The following RBFOX1 variants were observed in gnomAD, a reference collection of about 807,000 sequenced individuals.
RBFOX1 encodes the protein RNA binding fox-1 homolog 1.
RBFOX1 carries 8 observed loss-of-function variants against 57.7 expected under a neutral mutation model. The observed-to-expected ratio is 0.14, with a 90% CI of 0.08 to 0.25. The LOEUF is 0.25. Among genes scored for constraint, RBFOX1 ranks in the 10% least tolerant of loss-of-function variants. The probability of loss-of-function intolerance (pLI) is 1.00; values close to 1 mark genes in which losing one functional copy is unlikely to be tolerated. For missense variants in RBFOX1, 611 were observed against 548.5 expected (o/e 1.11, Z -1.14); for synonymous variants, 326 against 222.4 (o/e 1.47, Z -4.15).
chr16:6,103,221 C>A (rs144251222), intron 1 of RBFOX1, among the ~76,000 whole-genome samples: 2 of 152,092 alleles, frequency 1.3e-5, no homozygotes, highest in East Asian at 1.9e-4. Flanking sequence ...GGGTCTGAAC[C>A]CTGTGGGTTT....
intron 3 of RBFOX1, among the ~76,000 whole-genome samples, chr16:5,861,296 G>A (rs908655138): frequency 1.3e-5 from 2 of 152,198 alleles, no homozygotes; most frequent in Non-Finnish European, 2.9e-5. Context: ...GTGCCACACA[G>A]GTGACTATGT....
At chr16:7,274,527 T>C (rs1242014327) in intron 4 of RBFOX1, among the ~76,000 whole-genome samples, 1 of 152,180 alleles carries the variant, frequency 6.6e-6, no homozygotes, top group Non-Finnish European at 1.5e-5. Context: ...TTGGGACTTC[T>C]CTGCTCTGTA....
chr16:5,791,134 C>G (rs890834416), intron 3 of RBFOX1, among the ~76,000 whole-genome samples: 3 of 152,060 alleles, frequency 2.0e-5, no homozygotes, highest in African/African-American at 7.2e-5. Context: ...TCCTAAAGTG[C>G]TGGGATTACA....
intron 2 of RBFOX1, among the ~76,000 whole-genome samples, chr16:5,586,745 C>T (rs2046842406): frequency 6.6e-6 from 1 of 152,184 alleles, no homozygotes; most frequent in African/African-American, 2.4e-5. Flanking sequence ...TGATCTCCCA[C>T]CTCTGCTTTC....
intron 4 of RBFOX1, among the ~76,000 whole-genome samples, chr16:6,009,167 C>T (rs2094945246): frequency 6.6e-6 from 1 of 151,418 alleles, no homozygotes; most frequent in South Asian, 2.1e-4. Context: ...GGGTTCACAA[C>T]ATTCTTCAAC....
At chr16:5,457,365 C>T (rs1331378531) in intron 1 of RBFOX1, among the ~76,000 whole-genome samples, 2 of 152,160 alleles carry the variant, frequency 1.3e-5, no homozygotes, top group Admixed American at 6.5e-5. Flanking sequence ...GAACTTCTGA[C>T]CTCAGGTGAT....
At position 5,330,489 on chromosome 16, in the gene RBFOX1, G is replaced by A. The variant is rs150718479; in HGVS notation, c.219+90384G>A. 9.1e-3 allele frequency among the ~76,000 whole-genome samples: 1,391 copies of A among 152,100 alleles called. 14 individuals carry two copies. Among genetic ancestry groups the A allele is most frequent in the Non-Finnish European group, 0.015 (1,019 of 67,978 alleles). On this transcript the variant is annotated intron_variant, in intron 1 of 2. Transcript: ENST00000585867. ...ATGACCTCGGCTCACTGCATCCTCC[G>A]CCTCCCAGGTTCGAGCAATTCTCCT...
intron 3 of RBFOX1, among the ~76,000 whole-genome samples, chr16:5,646,029 AT>A (rs112907409): frequency 1.2e-4 from 18 of 148,632 alleles, no homozygotes; most frequent in Admixed American, 3.4e-4. Flanking sequence ...TTTTTTTTTA[AT>A]TTTTTTTTTC....
intron 2 of RBFOX1, among the ~76,000 whole-genome samples, chr16:6,465,634 G>A (rs942344991): frequency 9.5e-6 from 1 of 105,360 alleles, no homozygotes; most frequent in Non-Finnish European, 2.0e-5. Context: ...GTGTGTGTGT[G>A]TGTATTTATG....
rs530798995 is a variant in RBFOX1, at chr16:6,766,447, A to G, written c.-16+111797A>G. 2.0e-5 allele frequency among the ~76,000 whole-genome samples: 3 copies of G among 152,160 alleles called. No individual in the cohort carries two copies. In the South Asian group the frequency reaches 6.2e-4, roughly 32 times the overall value. On this transcript the variant is annotated intron_variant, in intron 3 of 15. Transcript: ENST00000550418. ...CAAAGGTCACTTGGCCTTTTCTAGT[A>G]CAGTCACATGCCCTTCTTCATTTTT... is the stretch of plus-strand genomic sequence containing the variant.
At chr16:6,432,181 C>T (rs2094119563) in intron 2 of RBFOX1, among the ~76,000 whole-genome samples, 1 of 151,934 alleles carries the variant, frequency 6.6e-6, no homozygotes, top group African/African-American at 2.4e-5. Context: ...GTTTTCTAGG[C>T]TGGTCTTGAA....
At chr16:5,770,196 A>T (rs1278817736) in intron 3 of RBFOX1, among the ~76,000 whole-genome samples, 1 of 152,246 alleles carries the variant, frequency 6.6e-6, no homozygotes, top group Admixed American at 6.5e-5. Flanking sequence ...TAGGACATCA[A>T]CAGGACTGTT....
At chr16:6,019,000 G>A, upstream of RBFOX1, 8 of 777,076 alleles carry the variant, frequency 1.0e-5, no homozygotes, top group Non-Finnish European at 1.2e-5. Context: ...AGGGGAAGGG[G>A]GAGGGGGCGC....
intron 1 of RBFOX1, among the ~76,000 whole-genome samples, chr16:6,198,561 C>T (rs1427406280): frequency 6.6e-6 from 1 of 152,146 alleles, no homozygotes; most frequent in Non-Finnish European, 1.5e-5. Context: ...GGACTTAATT[C>T]ATCTTCTGAA....
At chr16:6,159,799 A>C (rs563123013) in intron 1 of RBFOX1, among the ~76,000 whole-genome samples, 15 of 152,356 alleles carry the variant, frequency 9.8e-5, no homozygotes, top group South Asian at 4.1e-4. Flanking sequence ...CAAAAATGAC[A>C]GAAGACTGAC....
intron 5 of RBFOX1, among the ~76,000 whole-genome samples, chr16:7,574,133 C>T (rs1469406867): frequency 2.6e-5 from 4 of 152,176 alleles, no homozygotes; most frequent in Admixed American, 1.3e-4. Flanking sequence ...ATACAGGCAG[C>T]ATGTCTGTCC....
chr16:5,868,215 C>A (rs1014310686), intron 4 of RBFOX1, among the ~76,000 whole-genome samples: 2 of 152,226 alleles, frequency 1.3e-5, no homozygotes, highest in African/African-American at 4.8e-5. Context: ...TCCTGAGCCA[C>A]TGTGTGGTTA....
chr16:5,526,028 G>T (rs2044231012), intron 2 of RBFOX1, among the ~76,000 whole-genome samples: 1 of 152,094 alleles, frequency 6.6e-6, no homozygotes, highest in Non-Finnish European at 1.5e-5. Flanking sequence ...CCAGGGGGCG[G>T]ACGGGCAGTC....
At chr16:6,325,890 A>G (rs1350465163) in intron 2 of RBFOX1, among the ~76,000 whole-genome samples, 3 of 152,210 alleles carry the variant, frequency 2.0e-5, no homozygotes, top group Non-Finnish European at 4.4e-5. Context: ...TTCAGAAAAT[A>G]CCAGCCCAAC....
Sources: allele counts gnomAD v4.1 joint callset (sites outside exome capture counted in the v4.1 genomes callset), GRCh38; gene constraint gnomAD v4.1.1; transcripts MANE v1.5; gene names NCBI Gene and HGNC (gene_info 2026-07-23, HGNC 2026-07-21).